TAFA2: variants seen among roughly 807,000 people sequenced by gnomAD.
TAFA2 encodes the protein TAFA chemokine like family member 2, also known as chemokine-like protein TAFA-2.
A neutral mutation model predicts 18.8 loss-of-function variants in TAFA2; 7 were observed. The ratio of observed to expected loss-of-function variants is 0.37; its 90% CI spans 0.21 to 0.70. TAFA2 has a LOEUF of 0.70. Among genes scored for constraint, TAFA2 ranks in the 30% least tolerant of loss-of-function variants. TAFA2 has a pLI of 0.53. For missense variants in TAFA2, 122 were observed against 158.1 expected, an observed-to-expected ratio of 0.77 and a Z score of 1.23; for synonymous variants, 60 against 54.2, an observed-to-expected ratio of 1.11 and a Z score of -0.47.
At chr12:61,766,266 A>G (rs576958925) in intron 2 of TAFA2, among the ~76,000 whole-genome samples, 1 of 152,242 alleles carries the variant, frequency 6.6e-6, no homozygotes, top group East Asian at 1.9e-4. Context: ...AACTCCAGGC[A>G]TTGCAAAAGC....
At chr12:62,083,755 C>G (rs1868359682) in intron 1 of TAFA2, among the ~76,000 whole-genome samples, 1 of 152,070 alleles carries the variant, frequency 6.6e-6, no homozygotes, top group Admixed American at 6.6e-5. Flanking sequence ...AGCTAAATAG[C>G]AGAGAAACCA....
chr12:61,721,955 C>CAAAAAA (rs11285316), intron 4 of TAFA2, among the ~76,000 whole-genome samples: 1 of 147,246 alleles, frequency 6.8e-6, no homozygotes, highest in Non-Finnish European at 1.5e-5. Flanking sequence ...GACTCTCTCT[C>CAAAAAA]AAAAAAAAAA....
intron 1 of TAFA2, among the ~76,000 whole-genome samples, chr12:62,017,241 A>T (rs1413922803): frequency 1.3e-5 from 2 of 152,050 alleles, no homozygotes; most frequent in Non-Finnish European, 2.9e-5. Context: ...AAAAAAAAAT[A>T]GCTTAAGATA....
chr12:61,962,011 T>C (rs1878903559), intron 1 of TAFA2, among the ~76,000 whole-genome samples: 1 of 152,044 alleles, frequency 6.6e-6, no homozygotes. Flanking sequence ...AATTGAATAA[T>C]TTGAACTTCG....
At chr12:62,039,789 C>T (rs957981479) in intron 1 of TAFA2, among the ~76,000 whole-genome samples, 1 of 152,180 alleles carries the variant, frequency 6.6e-6, no homozygotes, top group Non-Finnish European at 1.5e-5. Context: ...CGATCAAATT[C>T]AGTACTTCTC....
At chr12:62,114,890 C>T (rs943382799) in intron 1 of TAFA2, among the ~76,000 whole-genome samples, 4 of 152,108 alleles carry the variant, frequency 2.6e-5, no homozygotes, top group African/African-American at 4.8e-5. Flanking sequence ...CCCAAAGATT[C>T]CTCCAATAAC....
intron 1 of TAFA2, among the ~76,000 whole-genome samples, chr12:62,101,424 A>G (rs1382702437): frequency 6.6e-6 from 1 of 152,136 alleles, no homozygotes; most frequent in Non-Finnish European, 1.5e-5. Flanking sequence ...TACACTTTGC[A>G]TTTACCTGGA....
intron 1 of TAFA2, among the ~76,000 whole-genome samples, chr12:61,910,099 TTTGTGTGTG>T (rs773055400): frequency 3.4e-4 from 29 of 85,494 alleles, no homozygotes; most frequent in Non-Finnish European, 5.1e-4. Flanking sequence ...TGTGTGTGTG[TTTGTGTGTG>T]TGTGTGTGTG....
At chr12:62,223,197 G>T (rs1252735262) in intron 1 of TAFA2, among the ~76,000 whole-genome samples, 2 of 152,068 alleles carry the variant, frequency 1.3e-5, no homozygotes, top group South Asian at 2.1e-4. Context: ...TTGAGACAGG[G>T]TCTCACTTTG....
chr12:62,121,493 CA>C lies in TAFA2; in HGVS notation c.-2+69765del, dbSNP rs1870194327. Among the ~76,000 whole-genome samples the C allele has an allele frequency of 5.3e-5, 8 of 152,224 alleles. No homozygotes were observed. In the South Asian group the frequency reaches 1.7e-3, roughly 32 times the overall value. On this transcript the variant is annotated intron_variant, in intron 1 of 4. Coordinates refer to ENST00000416284, the MANE Select transcript of TAFA2 (RefSeq NM_178539.5). ...TTCCCATGAATGCTGTCAGAAATTACATGATGTATGAGAGAGTATTTTTAAA... is the reference window on the plus strand; with the variant it reads ...TTCCCATGAATGCTGTCAGAAATTACTGATGTATGAGAGAGTATTTTTAAA...
intron 1 of TAFA2, chr12:62,139,895 A>C (rs377036050): frequency 3.9e-5 from 6 of 152,332 alleles, no homozygotes; most frequent in East Asian, 3.9e-4. Context: ...CCTAACTCCC[A>C]ATCCAATTAT....
chr12:62,000,964 G>T, intron 1 of TAFA2, among the ~76,000 whole-genome samples: 1 of 152,296 alleles, frequency 6.6e-6, no homozygotes, highest in Non-Finnish European at 1.5e-5. Context: ...AATATTTATA[G>T]AAGTAAAAAG....
At chr12:62,073,080 T>C (rs1381121490) in intron 1 of TAFA2, among the ~76,000 whole-genome samples, 1 of 152,190 alleles carries the variant, frequency 6.6e-6, no homozygotes, top group African/African-American at 2.4e-5. Flanking sequence ...TAATCCAAGA[T>C]ACTGCTTCTG....
At chr12:61,877,561 A>G (rs1178974932) in intron 1 of TAFA2, among the ~76,000 whole-genome samples, 1 of 152,184 alleles carries the variant, frequency 6.6e-6, no homozygotes, top group Non-Finnish European at 1.5e-5. Flanking sequence ...GGAAAGCCCT[A>G]CATTATGGGG....
chr12:62,063,721 C>T (rs1401374531), intron 1 of TAFA2, among the ~76,000 whole-genome samples: 1 of 152,090 alleles, frequency 6.6e-6, no homozygotes, highest in Non-Finnish European at 1.5e-5. Context: ...TTAATAGAGA[C>T]ATACAACATA....
chr12:62,142,157 T>A (rs1475806144), intron 1 of TAFA2, among the ~76,000 whole-genome samples: 1 of 152,156 alleles, frequency 6.6e-6, no homozygotes, highest in African/African-American at 2.4e-5. Context: ...AAGCTTGTGA[T>A]CTTAAGGAAG....
At chr12:61,814,769 G>C (rs1229686974) in intron 2 of TAFA2, among the ~76,000 whole-genome samples, 1 of 151,308 alleles carries the variant, frequency 6.6e-6, no homozygotes, top group South Asian at 2.1e-4. Flanking sequence ...AAATAGGAGG[G>C]TCAGAGTCCG....
intron 2 of TAFA2, among the ~76,000 whole-genome samples, chr12:61,856,855 G>T (rs1170226496): frequency 6.6e-6 from 1 of 151,680 alleles, no homozygotes; most frequent in East Asian, 1.9e-4. Flanking sequence ...TACTAAAAAT[G>T]AAAGGAAATA....
At chr12:61,893,193 A>G (rs919904637) in intron 1 of TAFA2, among the ~76,000 whole-genome samples, 10 of 152,188 alleles carry the variant, frequency 6.6e-5, no homozygotes, top group Non-Finnish European at 1.5e-4. Context: ...AGTTTTGACT[A>G]TGGCTTAGGG....
Sources: allele counts gnomAD v4.1 joint callset (sites outside exome capture counted in the v4.1 genomes callset), GRCh38; gene constraint gnomAD v4.1.1; transcripts MANE v1.5; gene names NCBI Gene and HGNC (gene_info 2026-07-23, HGNC 2026-07-21).